IFT74: variants seen among roughly 807,000 people sequenced by gnomAD.
IFT74 encodes intraflagellar transport protein 74 homolog.
A neutral mutation model predicts 96.7 loss-of-function variants in IFT74; 92 were observed. The observed-to-expected ratio is 0.95, with a 90% CI of 0.80 to 1.13. The LOEUF is 1.13. Ranked by LOEUF, IFT74 falls within the 50% of genes most tolerant of loss-of-function variation. IFT74 has a pLI of 0.00. For missense variants in IFT74, 811 were observed against 698.2 expected (o/e 1.16, Z -1.82); for synonymous variants, 223 against 213.2 (o/e 1.05, Z -0.40).
chr9:27,037,277 G>A (rs1302723920), intron 13 of IFT74, among the ~76,000 whole-genome samples: 1 of 149,096 alleles, frequency 6.7e-6, no homozygotes, highest in Non-Finnish European at 1.5e-5. Context: ...TGTATGAGTA[G>A]ACAAAATATC....
chr9:26,981,036 T>G (rs1462004741), intron 4 of IFT74, among the ~76,000 whole-genome samples: 1 of 152,152 alleles, frequency 6.6e-6, no homozygotes, highest in African/African-American at 2.4e-5. Context: ...GCCGTCAAGG[T>G]GTCCTCATGG....
intron 8 of IFT74, among the ~76,000 whole-genome samples, chr9:27,006,652 AGGAGGG>A (rs1294393111): frequency 3.3e-5 from 4 of 120,376 alleles, no homozygotes; most frequent in African/African-American, 1.3e-4. Flanking sequence ...GAGAAGAGAG[AGGAGGG>A]GGAGGGGAAG....
intron 7 of IFT74, among the ~76,000 whole-genome samples, chr9:26,989,020 G>C (rs1827756252): frequency 6.6e-6 from 1 of 152,136 alleles, no homozygotes; most frequent in Admixed American, 6.6e-5. Flanking sequence ...ATATATATTA[G>C]TTTACAGTAT....
chr9:27,008,930 C>T, intron 8 of IFT74, 90 bp from the exon 9 acceptor site: 1 of 962,932 alleles, frequency 1.0e-6, no homozygotes, highest in Non-Finnish European at 1.5e-6. Flanking sequence ...CTTTAAGTAT[C>T]CTATTAAATT....
intron 1 of IFT74, among the ~76,000 whole-genome samples, chr9:26,959,812 A>G (rs1201173983): frequency 2.6e-5 from 4 of 152,208 alleles, no homozygotes; most frequent in African/African-American, 4.8e-5. Flanking sequence ...GTAGAGAAGT[A>G]TCTTAACAAG....
In IFT74 at chr9:27,005,352, T is replaced by TCCCCCCCCC. The variant is rs1443234170; in HGVS notation, c.588-3660_588-3659insCCCCCCCCC. ...ATTTGATTGGCTAGATGAAACCATTTCCCCCCCCGCCCCCCGCAAAACAAT... is the reference window on the plus strand; with the variant it reads ...ATTTGATTGGCTAGATGAAACCATTTCCCCCCCCCCCCCCCCCGCCCCCCGCAAAACAAT... On this transcript the variant is annotated intron_variant, in intron 8 of 19. Transcript: ENST00000380062. Among the ~76,000 whole-genome samples, 4 of 18,944 alleles carry TCCCCCCCCC rather than the reference T, an allele frequency of 2.1e-4. 1 individual carries two copies. Among genetic ancestry groups the TCCCCCCCCC allele is most frequent in the South Asian group, 7.1e-3 (2 of 280 alleles). The allele number at this position is 18,944 out of a possible 152,430, so 12.4% of individuals were successfully genotyped here.
At chr9:26,953,834 C>T (rs972640145), upstream of IFT74, among the ~76,000 whole-genome samples, 7 of 152,132 alleles carry the variant, frequency 4.6e-5, no homozygotes, top group East Asian at 3.9e-4. Context: ...CTTAAAAAAC[C>T]TACAAACATC....
chr9:26,999,618 T>A, intron 8 of IFT74: 1 of 1,593,900 alleles, frequency 6.3e-7, no homozygotes, highest in Admixed American at 1.7e-5. Flanking sequence ...ACTTACTCTT[T>A]TAGAAGACTG....
chr9:27,062,537 A>G (rs1278976983), intron 19 of IFT74, 81 bp from the exon 20 acceptor site: 6 of 730,886 alleles, frequency 8.2e-6, no homozygotes, highest in Non-Finnish European at 9.3e-6. Flanking sequence ...TTCAGTATGA[A>G]AAATGTCAGT....
rs1564006985 is a variant in IFT74, at chr9:27,055,738, CA to C, written c.1464del (p.Ala489LeufsTer2). ...GATCTGGAGATATATAATGATTTGC[CA>C]GCTTTAAAATCATCAGGTGAAGAAA... ...TTDLEIYNDL[P>X]ALKSSGEEKI... On this transcript the variant is annotated frameshift_variant, in exon 17 of 20. Coordinates refer to ENST00000380062, the MANE Select transcript of IFT74 (RefSeq NM_025103.4). LOFTEE classifies it high-confidence loss of function. 1.3e-6 allele frequency: 2 copies of C among 1,560,862 alleles called. No homozygotes were observed. Among genetic ancestry groups the C allele is most frequent in the African/African-American group, 1.4e-5 (1 of 71,602 alleles).
rs1563953727 is a variant in IFT74, at chr9:26,988,742, T to A, written c.525+14T>A. 6.6e-7 allele frequency: 1 copy of A among 1,513,922 alleles called. No individual in the cohort carries two copies. Among genetic ancestry groups the A allele is most frequent in the East Asian group, 2.3e-5 (1 of 43,674 alleles). The allele number at this position is 1,513,922 out of a possible 1,614,324, so 93.8% of individuals were successfully genotyped here. ...GATTACAATATGGTAAGAAAATTTA[T>A]AAAAGCAAATTGATCTATGTAAGTC... On this transcript the variant is annotated intron_variant, in intron 7 of 19. Transcript: ENST00000380062.
At chr9:26,971,985 G>T (rs1343165497) in intron 2 of IFT74, among the ~76,000 whole-genome samples, 1 of 152,126 alleles carries the variant, frequency 6.6e-6, no homozygotes, top group Non-Finnish European at 1.5e-5. Context: ...ATCAGTTACT[G>T]AATACCCATT....
At chr9:27,034,703 T>C (rs1472776615) in intron 13 of IFT74, among the ~76,000 whole-genome samples, 1 of 152,192 alleles carries the variant, frequency 6.6e-6, no homozygotes, top group Admixed American at 6.5e-5. Flanking sequence ...TAATTTTTTG[T>C]ATTTTTAGTA....
intron 16 of IFT74, among the ~76,000 whole-genome samples, chr9:27,052,365 C>G (rs1024730455): frequency 2.0e-5 from 3 of 151,842 alleles, no homozygotes; most frequent in African/African-American, 4.8e-5. Context: ...CAAAATTAGC[C>G]TGTGTGGTGG....
At chr9:26,980,363 C>T (rs983231432) in intron 3 of IFT74, among the ~76,000 whole-genome samples, 1 of 152,184 alleles carries the variant, frequency 6.6e-6, no homozygotes, top group Non-Finnish European at 1.5e-5. Context: ...CCTCTAGTCC[C>T]ATCTTCGTAG....
intron 4 of IFT74, 102 bp from the exon 5 acceptor site, chr9:26,984,155 T>C (rs1827524274): frequency 1.1e-6 from 1 of 888,818 alleles, no homozygotes. Flanking sequence ...TTCACAAAAC[T>C]ATTTATATTA....
chr9:26,966,006 A>ATATATGTG (rs1160498935), intron 2 of IFT74, among the ~76,000 whole-genome samples: 1 of 152,032 alleles, frequency 6.6e-6, no homozygotes, highest in African/African-American at 2.4e-5. Context: ...GTGTATATAT[A>ATATATGTG]TATATGTGTA....
At chr9:27,017,309 A>G (rs1390881805) in intron 11 of IFT74, among the ~76,000 whole-genome samples, 1 of 152,100 alleles carries the variant, frequency 6.6e-6, no homozygotes, top group African/African-American at 2.4e-5. Context: ...TGTAGCCCTG[A>G]GCTGCTGGCC....
At chr9:27,026,658 A>C (rs111886635) in intron 12 of IFT74, among the ~76,000 whole-genome samples, 1,573 of 152,278 alleles carry the variant, frequency 0.01, 31 homozygotes, top group African/African-American at 0.036. Context: ...CTGGAAATCA[A>C]CTCCAAAAGG....
Sources: gnomAD v4.1 joint callset for allele counts (sites outside exome capture counted in the v4.1 genomes callset) on GRCh38, gnomAD v4.1.1 for gene constraint, MANE v1.5 for transcripts, NCBI Gene and HGNC (gene_info 2026-07-23, HGNC 2026-07-21) for gene names.